CXCL13: variants seen among roughly 807,000 people sequenced by gnomAD.
CXCL13 encodes C-X-C motif chemokine ligand 13, also known as C-X-C motif chemokine 13.
CXCL13 carries 7 observed loss-of-function variants against 12.2 expected under a neutral mutation model. The ratio of observed to expected loss-of-function variants is 0.57; its 90% CI spans 0.33 to 1.07. The LOEUF is 1.07. Ranked by LOEUF, CXCL13 falls within the 50% of genes least tolerant of loss-of-function variation. CXCL13 has a pLI of 0.04. For synonymous variants in CXCL13, 47 were observed against 42.4 expected (o/e 1.11, Z -0.42); for missense variants, 113 against 127.4 (o/e 0.89, Z 0.55).
At chr4:77,572,123 C>G (rs1726101130) in intron 1 of CXCL13, among the ~76,000 whole-genome samples, 1 of 151,892 alleles carries the variant, frequency 6.6e-6, no homozygotes. Context: ...GTCAGTGAGA[C>G]CAAGAACCCA....
intron 1 of CXCL13, among the ~76,000 whole-genome samples, chr4:77,525,672 CTT>C (rs1230525144): frequency 6.6e-6 from 1 of 151,928 alleles, no homozygotes; most frequent in Non-Finnish European, 1.5e-5. Flanking sequence ...TACATGTTGC[CTT>C]TTGTTAGAAT....
At chr4:77,583,595 A>C (rs903414488) in intron 1 of CXCL13, among the ~76,000 whole-genome samples, 1 of 152,136 alleles carries the variant, frequency 6.6e-6, no homozygotes, top group South Asian at 2.1e-4. Context: ...TGTGCACCTC[A>C]GGGTACTGAG....
intron 1 of CXCL13, among the ~76,000 whole-genome samples, chr4:77,521,482 A>G (rs917857409): frequency 6.6e-6 from 1 of 152,098 alleles, no homozygotes; most frequent in Non-Finnish European, 1.5e-5. Context: ...CATTTCTTCT[A>G]AGTTTTCTGG....
intron 1 of CXCL13, among the ~76,000 whole-genome samples, chr4:77,544,822 A>T (rs934584279): frequency 7.9e-5 from 12 of 152,166 alleles, no homozygotes; most frequent in Non-Finnish European, 1.5e-5. Flanking sequence ...GTCCTTGTCC[A>T]TGCCTATGTC....
chr4:77,537,839 C>T (rs1725096505), intron 1 of CXCL13, among the ~76,000 whole-genome samples: 1 of 152,114 alleles, frequency 6.6e-6, no homozygotes, highest in Non-Finnish European at 1.5e-5. Context: ...TTCAATTTGG[C>T]CAACCCAAGC....
chr4:77,567,036 C>T (rs572096422), intron 1 of CXCL13, among the ~76,000 whole-genome samples: 3 of 152,258 alleles, frequency 2.0e-5, no homozygotes, highest in Admixed American at 2.0e-4. Flanking sequence ...GCGATTTGTT[C>T]CTGCCTCACC....
chr4:77,513,218 C>T (rs1264795430), intron 1 of CXCL13, among the ~76,000 whole-genome samples: 1 of 152,080 alleles, frequency 6.6e-6, no homozygotes, highest in Non-Finnish European at 1.5e-5. Context: ...GGTTCCAAGT[C>T]TTTGCTATTG....
intron 1 of CXCL13, among the ~76,000 whole-genome samples, chr4:77,517,462 C>A (rs1724454386): frequency 6.6e-6 from 1 of 152,058 alleles, no homozygotes; most frequent in Non-Finnish European, 1.5e-5. Context: ...GTAGGTCACT[C>A]AGGGCTTGCT....
At chr4:77,564,699 A>G (rs1190918078) in intron 1 of CXCL13, among the ~76,000 whole-genome samples, 1 of 152,232 alleles carries the variant, frequency 6.6e-6, no homozygotes, top group Admixed American at 6.5e-5. Flanking sequence ...TGGAGCCTGG[A>G]CTTTAACCCT....
chr4:77,529,153 A>C (rs955406427), intron 1 of CXCL13, among the ~76,000 whole-genome samples: 4 of 152,076 alleles, frequency 2.6e-5, no homozygotes, highest in African/African-American at 4.8e-5. Flanking sequence ...TGTTTTGGTA[A>C]TAGTACCATG....
In CXCL13 at chr4:77,518,633, C is replaced by A. The variant is rs375130530; in HGVS notation, c.-43+6845C>A. On this transcript the variant is annotated intron_variant, in intron 1 of 4. Coordinates refer to the CXCL13 transcript ENST00000286758. ...TCTTCACGTCGTTCTCGAGCCTTGG[C>A]TTTCAGCTTCATCAGCTCCTTTAAG... 1.1e-4 allele frequency among the ~76,000 whole-genome samples: 16 copies of A among 152,304 alleles called. No homozygotes were observed. In the East Asian group the frequency reaches 2.7e-3, roughly 26 times the overall value.
intron 1 of CXCL13, among the ~76,000 whole-genome samples, chr4:77,536,866 GA>G (rs550528815): frequency 0.012 from 1,778 of 152,108 alleles, 17 homozygotes; most frequent in African/African-American, 0.033. Context: ...AGGTAAGAAG[GA>G]AAAAAAGCTA....
intron 1 of CXCL13, among the ~76,000 whole-genome samples, chr4:77,513,947 G>T (rs1424346348): frequency 6.6e-6 from 1 of 151,642 alleles, no homozygotes; most frequent in African/African-American, 2.4e-5. Context: ...CAGTGCTATC[G>T]CTCCCCACTA....
At chr4:77,546,634 T>C (rs1032025565) in intron 1 of CXCL13, among the ~76,000 whole-genome samples, 1 of 152,214 alleles carries the variant, frequency 6.6e-6, no homozygotes, top group African/African-American at 2.4e-5. Context: ...GATTCTTCTC[T>C]ATTTTCTTTA....
chr4:77,512,786 G>T (rs1724307184), intron 1 of CXCL13, among the ~76,000 whole-genome samples: 1 of 152,068 alleles, frequency 6.6e-6, no homozygotes. Flanking sequence ...TTTTGTTATT[G>T]TTATTATTAT....
At chr4:77,526,525 A>G (rs1013066801) in intron 1 of CXCL13, among the ~76,000 whole-genome samples, 5 of 152,118 alleles carry the variant, frequency 3.3e-5, no homozygotes, top group Admixed American at 2.6e-4. Context: ...GGAAAAGTCC[A>G]TGGTAATTTC....
At position 77,571,723 on chromosome 4, in the gene CXCL13, A is replaced by G. The variant is rs192326443; in HGVS notation, c.-42-34101A>G. Among the ~76,000 whole-genome samples the G allele has an allele frequency of 1.6e-4, 25 of 151,932 alleles. 2 individuals carry two copies. In the East Asian group the frequency reaches 4.8e-3, roughly 29 times the overall value. On this transcript the variant is annotated intron_variant, in intron 1 of 4. Transcript: ENST00000286758. ...TAAGAGAATAAAAGCAGGCTGCCGGAGCCAGCAGTGGCAACCCGCTCCAGT... is the reference window on the plus strand; with the variant it reads ...TAAGAGAATAAAAGCAGGCTGCCGGGGCCAGCAGTGGCAACCCGCTCCAGT...
At chr4:77,557,577 C>G (rs953480731) in intron 1 of CXCL13, among the ~76,000 whole-genome samples, 1 of 152,216 alleles carries the variant, frequency 6.6e-6, no homozygotes, top group African/African-American at 2.4e-5. Flanking sequence ...CAAGTCAGAT[C>G]CATTCATTAC....
At chr4:77,512,187 C>A (rs897189596) in intron 1 of CXCL13, among the ~76,000 whole-genome samples, 2 of 152,196 alleles carry the variant, frequency 1.3e-5, no homozygotes, top group Non-Finnish European at 2.9e-5. Context: ...CTGCTTGCTG[C>A]CTCTTTAATT....
Sources: allele counts gnomAD v4.1 joint callset (sites outside exome capture counted in the v4.1 genomes callset), GRCh38; gene constraint gnomAD v4.1.1; transcripts MANE v1.5; gene names NCBI Gene and HGNC (gene_info 2026-07-23, HGNC 2026-07-21).